The following FOXP1 variants were observed in gnomAD, a reference collection of about 807,000 sequenced individuals.
FOXP1 encodes forkhead box P1, also known as forkhead box protein P1.
In FOXP1, 15 loss-of-function variants were observed where a neutral mutation model predicts 98.2. The observed-to-expected ratio is 0.15, with a 90% CI of 0.10 to 0.24. FOXP1 has a LOEUF of 0.24. FOXP1 is among the 10% of genes least tolerant of loss of function. The probability of loss-of-function intolerance (pLI) is 1.00; values close to 1 mark genes in which losing one functional copy is unlikely to be tolerated. For synonymous variants in FOXP1, 371 were observed against 314.5 expected (o/e 1.18, Z -1.90); for missense variants, 633 against 848.5 (o/e 0.75, Z 3.15).
intron 2 of FOXP1, among the ~76,000 whole-genome samples, chr3:71,519,354 T>C (rs146977087): frequency 1.3e-5 from 2 of 152,208 alleles, no homozygotes; most frequent in South Asian, 4.1e-4. Flanking sequence ...AGACTTTACA[T>C]AGTACATCAT....
intron 12 of FOXP1, among the ~76,000 whole-genome samples, chr3:71,011,854 C>T (rs1485121534): frequency 6.6e-6 from 1 of 152,124 alleles, no homozygotes; most frequent in Non-Finnish European, 1.5e-5. Context: ...CTTCTAATAT[C>T]TTTAGAAGAG....
rs748757524 is a variant in FOXP1, at chr3:71,550,795, T to G, written c.-298+30754A>C. 3.9e-5 allele frequency among the ~76,000 whole-genome samples: 6 copies of G among 152,274 alleles called. No individual in the cohort carries two copies. In the South Asian group the frequency reaches 8.3e-4, roughly 21 times the overall value. ...AGAGAATTTCTTTAGCTATTTACAT[T>G]TATCATATTTATACCACTCCGCAGC... On this transcript the variant is annotated intron_variant, in intron 2 of 20. Coordinates refer to ENST00000649528, the MANE Select transcript of FOXP1 (RefSeq NM_001349338.3).
Position 71,284,766 on chromosome 3 carries a change from A to T in FOXP1, c.-12+15054T>A, listed in dbSNP as rs75477406. On this transcript the variant is annotated intron_variant, in intron 5 of 20. Coordinates refer to ENST00000649528, the MANE Select transcript of FOXP1 (RefSeq NM_001349338.3). The stretch of plus-strand genomic sequence containing the variant: ...AATGCTCATCATGAAATACTAAATT[A>T]AAAAAAAAAATGGATACACAAATAC... 3.9e-3 allele frequency among the ~76,000 whole-genome samples: 571 copies of T among 145,898 alleles called. 6 individuals carry two copies. The highest frequency in any genetic ancestry group is 0.014 in the African/African-American group (537 of 39,148).
intron 14 of FOXP1, among the ~76,000 whole-genome samples, chr3:70,985,104 C>T (rs1165560392): frequency 6.6e-6 from 1 of 152,142 alleles, no homozygotes; most frequent in African/African-American, 2.4e-5. Flanking sequence ...GTTTCTTCTA[C>T]ACAGAAATGG....
intron 2 of FOXP1, among the ~76,000 whole-genome samples, chr3:71,495,314 T>C (rs951302320): frequency 6.6e-6 from 1 of 152,236 alleles, no homozygotes; most frequent in African/African-American, 2.4e-5. Context: ...GTCTCAATTA[T>C]ATCATCCTAT....
Position 71,533,944 on chromosome 3 carries a change from C to T in FOXP1, c.-297-40389G>A, listed in dbSNP as rs557534591. Among the ~76,000 whole-genome samples the T allele has an allele frequency of 2.8e-4, 42 of 152,216 alleles. No individual in the cohort carries two copies. The South Asian group carries it at 8.5e-3, about 31-fold the overall frequency. ...CCCTAAGCCTTGGTGTCACGGGAAG[C>T]CCAATTGTTCAAAAAAGAGAAGGAG... On this transcript the variant is annotated intron_variant, in intron 2 of 20. Transcript: ENST00000649528.
chr3:71,182,673 G>A (rs1324430256), intron 6 of FOXP1, among the ~76,000 whole-genome samples: 1 of 151,768 alleles, frequency 6.6e-6, no homozygotes, highest in East Asian at 1.9e-4. Context: ...GGGACTACAG[G>A]CAAGTGCCGC....
In FOXP1 at chr3:71,533,435, A is replaced by C. The variant is rs916936423; in HGVS notation, c.-297-39880T>G. ...CATTTCATTTCCTCTAGCTTACTTT[A>C]TTGTCAGAATACAGCAATATATTAT... On this transcript the variant is annotated intron_variant, in intron 2 of 20. Transcript: ENST00000649528. Among the ~76,000 whole-genome samples, 3 of 152,110 alleles carry C rather than the reference A, an allele frequency of 2.0e-5. No homozygotes were observed. The South Asian group carries it at 6.2e-4, about 32-fold the overall frequency.
chr3:71,141,692 T>C (rs1311633548), intron 6 of FOXP1, among the ~76,000 whole-genome samples: 2 of 152,156 alleles, frequency 1.3e-5, no homozygotes, highest in Non-Finnish European at 2.9e-5. Context: ...CCCTTTCTGA[T>C]ACTACAGTCT....
At chr3:71,314,337 T>A (rs2074919450) in intron 4 of FOXP1, among the ~76,000 whole-genome samples, 1 of 152,100 alleles carries the variant, frequency 6.6e-6, no homozygotes, top group Non-Finnish European at 1.5e-5. Context: ...GAGACCATCC[T>A]GGCCATCATG....
intron 3 of FOXP1, among the ~76,000 whole-genome samples, chr3:71,412,386 G>A (rs2082819515): frequency 6.6e-6 from 1 of 152,282 alleles, no homozygotes; most frequent in Admixed American, 6.5e-5. Context: ...TAGTCATGTT[G>A]AGGGGCATGA....
At chr3:70,972,790 A>G (rs2036545145) in intron 17 of FOXP1, 114 bp from the exon 18 acceptor site, 1 of 1,053,098 alleles carries the variant, frequency 9.5e-7, no homozygotes, top group African/African-American at 1.6e-5. Flanking sequence ...CAAGAGCTGT[A>G]GCTACCACCC....
At position 71,047,060 on chromosome 3, in the gene FOXP1, C is replaced by G. The variant is rs201348909; in HGVS notation, c.546G>C (p.Gln182His). 1 of 1,614,052 alleles carries G rather than the reference C, an allele frequency of 6.2e-7. No homozygotes were observed. Among genetic ancestry groups the G allele is most frequent in the African/African-American group, 1.3e-5 (1 of 75,008 alleles). ...QQVATQQLAF[Q>H]QQLLQMQQLQ... is the part of the protein sequence containing the mutation. Reference sequence around the variant, plus strand: ...ACTGCTGCATCTGTAAAAGCTGCTGCTGAAAAGCCAACTGCTGGGTAGCCA... The same window carrying G: ...ACTGCTGCATCTGTAAAAGCTGCTGGTGAAAAGCCAACTGCTGGGTAGCCA... The change falls in exon 10 of 21, where the codon CAG becomes CAC. Residue 182 changes from glutamine to histidine, a missense_variant. Physicochemically the swap from Gln to His is conservative, Grantham distance 24. Coordinates refer to ENST00000649528, the MANE Select transcript of FOXP1 (RefSeq NM_001349338.3).
intron 4 of FOXP1, among the ~76,000 whole-genome samples, chr3:71,328,994 A>AC (rs2076113133): frequency 6.7e-6 from 1 of 148,154 alleles, no homozygotes; most frequent in Non-Finnish European, 1.5e-5. Flanking sequence ...AAAAAACAAA[A>AC]AAAAAAAAAC....
At chr3:71,011,101 T>C (rs1301485223) in intron 12 of FOXP1, among the ~76,000 whole-genome samples, 2 of 152,166 alleles carry the variant, frequency 1.3e-5, no homozygotes, top group East Asian at 3.9e-4. Context: ...AGAGGAAAAC[T>C]GAAATCCTGA....
chr3:71,121,331 C>T (rs1436926938), intron 6 of FOXP1, among the ~76,000 whole-genome samples: 2 of 149,800 alleles, frequency 1.3e-5, no homozygotes, highest in Non-Finnish European at 2.9e-5. Flanking sequence ...GGATACTTCC[C>T]AGCCAGCAAG....
At chr3:71,062,572 T>C (rs569191333) in intron 7 of FOXP1, among the ~76,000 whole-genome samples, 2 of 152,376 alleles carry the variant, frequency 1.3e-5, no homozygotes, top group South Asian at 2.1e-4. Flanking sequence ...CATGATGCCA[T>C]CACATTTTCA....
intron 5 of FOXP1, among the ~76,000 whole-genome samples, chr3:71,236,120 G>A (rs920052139): frequency 6.6e-6 from 1 of 152,160 alleles, no homozygotes; most frequent in Admixed American, 6.5e-5. Context: ...TATGCTCATG[G>A]AATCATCATA....
chr3:71,411,309 G>GTGTGTGTGTGTGTGTGTGTGTGTGTGTT (rs1560446775), intron 3 of FOXP1, among the ~76,000 whole-genome samples: 2 of 133,538 alleles, frequency 1.5e-5, no homozygotes, highest in Non-Finnish European at 3.2e-5. Flanking sequence ...GTGTGTGTGT[G>GTGTGTGTGTGTGTGTGTGTGTGTGTGTT]TGTGTGTGTA....
Sources: gnomAD v4.1 joint callset for allele counts (sites outside exome capture counted in the v4.1 genomes callset) on GRCh38, gnomAD v4.1.1 for gene constraint, MANE v1.5 for transcripts, NCBI Gene and HGNC (gene_info 2026-07-23, HGNC 2026-07-21) for gene names.